ADGRV1: variants seen among roughly 807,000 people sequenced by gnomAD.
ADGRV1 encodes G-protein coupled receptor 98.
Under a neutral mutation model 596.2 loss-of-function variants are expected in ADGRV1, and 359 were observed. The ratio of observed to expected loss-of-function variants is 0.60; its 90% confidence interval spans 0.55 to 0.66. The LOEUF is 0.66. ADGRV1 is among the 30% of genes least tolerant of loss of function. The probability of loss-of-function intolerance (pLI) is 0.00; values close to 1 mark genes in which losing one functional copy is unlikely to be tolerated. For synonymous variants in ADGRV1, 2,681 were observed against 2,679.2 expected, an observed-to-expected ratio of 1.00 and a Z score of -0.02; for missense variants, 7,274 against 7,575.6, an observed-to-expected ratio of 0.96 and a Z score of 1.48.
chr5:90,674,082 A>G lies in ADGRV1; in HGVS notation c.4958A>G (p.Asp1653Gly). 1.2e-6 allele frequency: 2 copies of G among 1,612,488 alleles called. No homozygotes were observed. The highest frequency in any genetic ancestry group is 8.5e-7 in the Non-Finnish European group (1 of 1,178,854). Reference sequence around the variant, plus strand: ...CTGAATATATATGTTCTTGATGATGATATTCCTGAACTTAATGAGTATTTC... The same window carrying G: ...CTGAATATATATGTTCTTGATGATGGTATTCCTGAACTTAATGAGTATTTC... ...EVLNIYVLDD[D>G]IPELNEYFRV... Residue 1653 changes from aspartate (D) to glycine (G), a missense_variant, in exon 23 of 90, where the codon GAT (aspartate) becomes GGT (glycine). Asp to Gly is a moderately conservative substitution (Grantham distance 94). Transcript: ENST00000405460.
intron 85 of ADGRV1, among the ~76,000 whole-genome samples, chr5:91,064,721 G>T (rs181112601): frequency 2.2e-4 from 33 of 152,290 alleles, no homozygotes; most frequent in Admixed American, 1.8e-3. Context: ...AGAAAGACAG[G>T]AAGAGGAATA....
In ADGRV1 at chr5:90,694,552, A is replaced by G. The variant is rs1746927505; in HGVS notation, c.7796A>G (p.Gln2599Arg). The part of the protein sequence containing the change: ...TSEDGLFVEV[Q>R]EQPQTLVELM... ...GAAGATGGCTTATTTGTTGAAGTTC[A>G]GGAGCAGCCCCAAACCTTGGTGGAG... Residue 2599 changes from glutamine to arginine, a missense_variant, in exon 33 of 90, where the codon CAG becomes CGG. Gln to Arg is a conservative substitution (Grantham distance 43). Transcript: ENST00000405460. 5 of 1,613,922 alleles carry G rather than the reference A, an allele frequency of 3.1e-6. No individual in the cohort carries two copies. In the East Asian group the frequency reaches 1.1e-4, roughly 36 times the overall value.
At chr5:91,082,138 T>C (rs1385380058) in intron 86 of ADGRV1, among the ~76,000 whole-genome samples, 1 of 152,252 alleles carries the variant, frequency 6.6e-6, no homozygotes, top group Non-Finnish European at 1.5e-5. Flanking sequence ...TGCACACTCT[T>C]TAACCCTTAA....
chr5:90,650,265 A>G lies in ADGRV1; in HGVS notation c.3290-1339A>G, dbSNP rs559658716. Among the ~76,000 whole-genome samples, 6 of 152,344 alleles carry G rather than the reference A, an allele frequency of 3.9e-5. No homozygotes were observed. In the South Asian group the frequency reaches 1.2e-3, roughly 32 times the overall value. The stretch of plus-strand genomic sequence containing the variant: ...CTTCAAGCCCTTGTTAAATATTGCT[A>G]GTTCATCTTGCAGAGAAACAGAATG... On this transcript the variant is annotated intron_variant, in intron 17 of 89. Coordinates refer to ENST00000405460, the MANE Select transcript of ADGRV1 (RefSeq NM_032119.4).
In ADGRV1 at chr5:90,683,835, A is replaced by G; in HGVS notation, c.5914A>G (p.Ser1972Gly). ...HINATLTVLA[S>G]DDPYGIFIFS... is the part of the protein sequence containing the mutation. ...TAATGCCACGTTAACAGTTTTGGCT[A>G]GTGATGATCCATATGGGATATTCAT... Residue 1972 changes from serine (S) to glycine (G), a missense_variant, in exon 28 of 90, where the codon AGT (serine) becomes GGT (glycine). Ser to Gly is a moderately conservative substitution (Grantham distance 56). Coordinates refer to ENST00000405460, the MANE Select transcript of ADGRV1 (RefSeq NM_032119.4). The G allele has an allele frequency of 6.2e-7, 1 of 1,613,830 alleles. No homozygotes were observed. Among genetic ancestry groups the G allele is most frequent in the Non-Finnish European group, 8.5e-7 (1 of 1,179,862 alleles).
intron 85 of ADGRV1, among the ~76,000 whole-genome samples, chr5:91,024,908 A>G (rs1240678491): frequency 6.6e-6 from 1 of 152,176 alleles, no homozygotes; most frequent in Non-Finnish European, 1.5e-5. Flanking sequence ...ATTGCGCAGA[A>G]TGGTGTTCAT....
At chr5:90,611,726 G>GA (rs1160627495) in intron 1 of ADGRV1, among the ~76,000 whole-genome samples, 3 of 151,734 alleles carry the variant, frequency 2.0e-5, no homozygotes, top group African/African-American at 7.3e-5. Flanking sequence ...TCTAGTAAGA[G>GA]AAAAAAATGA....
chr5:90,893,103 G>A (rs902393284), intron 83 of ADGRV1, among the ~76,000 whole-genome samples: 1 of 152,146 alleles, frequency 6.6e-6, no homozygotes, highest in Non-Finnish European at 1.5e-5. Flanking sequence ...GGCTTCTGCT[G>A]TTCATGAGGT....
At chr5:90,974,693 A>G (rs1489905836) in intron 84 of ADGRV1, among the ~76,000 whole-genome samples, 1 of 152,240 alleles carries the variant, frequency 6.6e-6, no homozygotes, top group Admixed American at 6.5e-5. Flanking sequence ...TTATACAAAA[A>G]GTAATTCAAG....
intron 84 of ADGRV1, among the ~76,000 whole-genome samples, chr5:90,976,346 A>ATATG (rs1779611580): frequency 2.1e-5 from 3 of 144,646 alleles, no homozygotes; most frequent in African/African-American, 7.6e-5. Flanking sequence ...ATATATATAT[A>ATATG]TATGTATATG....
chr5:90,620,780 T>C (rs1763963527), intron 4 of ADGRV1, among the ~76,000 whole-genome samples: 1 of 152,182 alleles, frequency 6.6e-6, no homozygotes, highest in South Asian at 2.1e-4. Context: ...TTGTATAAGG[T>C]GTAAGGAAGG....
In ADGRV1 at chr5:90,747,168, G is replaced by A. The variant is rs1301649726; in HGVS notation, c.10974+1373G>A. On this transcript the variant is annotated intron_variant, in intron 52 of 89. Coordinates refer to ENST00000405460, the MANE Select transcript of ADGRV1 (RefSeq NM_032119.4). Reference sequence around the variant, plus strand: ...AGACTGGTGGGGGATGAGGGTGTGAGCTATGTAATATCTGGGGTAGGAACA... The same window carrying A: ...AGACTGGTGGGGGATGAGGGTGTGAACTATGTAATATCTGGGGTAGGAACA... 3.3e-5 allele frequency among the ~76,000 whole-genome samples: 5 copies of A among 152,120 alleles called. No individual in the cohort carries two copies. The South Asian group carries it at 6.2e-4, about 19-fold the overall frequency.
At chr5:91,128,664 G>A (rs1489104590) in intron 87 of ADGRV1, among the ~76,000 whole-genome samples, 1 of 152,108 alleles carries the variant, frequency 6.6e-6, no homozygotes, top group Non-Finnish European at 1.5e-5. Flanking sequence ...TACACACCCT[G>A]GAAAAAATAG....
intron 59 of ADGRV1, among the ~76,000 whole-genome samples, chr5:90,772,077 A>G (rs1757754838): frequency 6.6e-6 from 1 of 152,152 alleles, no homozygotes; most frequent in African/African-American, 2.4e-5. Flanking sequence ...GAGCTGCCTT[A>G]CATATACAGT....
At chr5:90,975,557 T>C (rs1455241686) in intron 84 of ADGRV1, among the ~76,000 whole-genome samples, 4 of 152,118 alleles carry the variant, frequency 2.6e-5, no homozygotes, top group Non-Finnish European at 5.9e-5. Flanking sequence ...TTTAGGGACA[T>C]GGATGAAGCT....
chr5:90,750,873 T>C (rs963671835), intron 53 of ADGRV1, among the ~76,000 whole-genome samples, 176 bp downstream of exon 53: 2 of 152,196 alleles, frequency 1.3e-5, no homozygotes, highest in African/African-American at 4.8e-5. Context: ...TTGTGGGTAT[T>C]GTTCTTTTTT....
intron 45 of ADGRV1, among the ~76,000 whole-genome samples, chr5:90,723,546 G>A (rs1423130797): frequency 2.0e-5 from 3 of 152,138 alleles, no homozygotes; most frequent in East Asian, 1.9e-4. Context: ...ATTTGTGGTC[G>A]TCTTGAATTA....
At chr5:90,670,847 T>C (rs1423032796) in intron 21 of ADGRV1, among the ~76,000 whole-genome samples, 1 of 152,226 alleles carries the variant, frequency 6.6e-6, no homozygotes, top group Non-Finnish European at 1.5e-5. Flanking sequence ...ATTAATACTT[T>C]GGCTAATGTA....
At chr5:90,819,728 G>C (rs1436483958) in intron 75 of ADGRV1, among the ~76,000 whole-genome samples, 2 of 151,878 alleles carry the variant, frequency 1.3e-5, no homozygotes, top group East Asian at 3.8e-4. Context: ...GAGCGGTTTT[G>C]AGTGAGATTC....
Sources: gnomAD v4.1 joint callset for allele counts (sites outside exome capture counted in the v4.1 genomes callset) on GRCh38, gnomAD v4.1.1 for gene constraint, MANE v1.5 for transcripts, NCBI Gene and HGNC (gene_info 2026-07-23, HGNC 2026-07-21) for gene names.